KDM2A: variants seen among roughly 807,000 people sequenced by gnomAD.
KDM2A encodes lysine demethylase 2A.
A neutral mutation model predicts 137.3 loss-of-function variants in KDM2A; 3 were observed. The ratio of observed to expected loss-of-function variants is 0.02; its 90% CI spans 0.01 to 0.06. The LOEUF (loss-of-function observed/expected upper bound fraction) is 0.06. KDM2A is among the 10% of genes least tolerant of loss of function. The pLI, the probability that KDM2A is intolerant of heterozygous loss-of-function variation, is 1.00. For missense variants in KDM2A, 738 were observed against 1,510.6 expected (o/e 0.49, Z 8.48); for synonymous variants, 512 against 541.5 (o/e 0.95, Z 0.76).
At chr11:67,153,604 G>A (rs1856446877) in intron 2 of KDM2A, among the ~76,000 whole-genome samples, 2 of 151,972 alleles carry the variant, frequency 1.3e-5, no homozygotes, top group South Asian at 2.1e-4. Flanking sequence ...CCAGCACTTC[G>A]GAAGGATTAT....
chr11:67,204,722 A>G (rs971980083), intron 5 of KDM2A, among the ~76,000 whole-genome samples: 9 of 151,784 alleles, frequency 5.9e-5, no homozygotes, highest in African/African-American at 2.2e-4. Context: ...TGATCTCCTG[A>G]CCTCGTGATC....
At chr11:67,184,088 A>G (rs1426367952) in intron 5 of KDM2A, among the ~76,000 whole-genome samples, 4 of 124,724 alleles carry the variant, frequency 3.2e-5, no homozygotes, top group South Asian at 2.6e-4. Context: ...ACAGAGTGAG[A>G]CCCTGTCTCA....
chr11:67,248,263 A>ATCCT lies in KDM2A; in HGVS notation c.1966-16_1966-15insCTTC. The ATCCT allele has an allele frequency of 6.4e-7, 1 of 1,568,852 alleles. No individual in the cohort carries two copies. The highest frequency in any genetic ancestry group is 1.2e-5 in the South Asian group (1 of 86,794). ...GCTTGAGAGACAGGCTTTTAAAAAC[A>ATCCT]TCTCTGTCTTCCTATAGATGGACGG... On this transcript the variant is annotated splice_polypyrimidine_tract_variant and intron_variant, in intron 15 of 20. Coordinates refer to ENST00000529006, the MANE Select transcript of KDM2A (RefSeq NM_012308.3).
At chr11:67,165,985 T>C (rs542434440) in intron 2 of KDM2A, among the ~76,000 whole-genome samples, 1 of 152,302 alleles carries the variant, frequency 6.6e-6, no homozygotes, top group East Asian at 1.9e-4. Context: ...ATTATACTGA[T>C]GACTTAACAG....
chr11:67,203,080 C>T (rs1453494673), intron 5 of KDM2A, among the ~76,000 whole-genome samples: 1 of 152,070 alleles, frequency 6.6e-6, no homozygotes, highest in African/African-American at 2.4e-5. Context: ...CAACCTTCAG[C>T]AACCACCACC....
At chr11:67,120,394 A>G (rs1855572412) in intron 1 of KDM2A, among the ~76,000 whole-genome samples, 1 of 152,218 alleles carries the variant, frequency 6.6e-6, no homozygotes, top group Admixed American at 6.5e-5. Context: ...GTAGTGACAA[A>G]AACGGGGGGA....
chr11:67,161,007 T>C (rs1409706153), intron 2 of KDM2A, among the ~76,000 whole-genome samples: 1 of 152,206 alleles, frequency 6.6e-6, no homozygotes, highest in Non-Finnish European at 1.5e-5. Context: ...CGCCTTTATT[T>C]GTGGCTGACG....
intron 12 of KDM2A, among the ~76,000 whole-genome samples, chr11:67,236,594 G>A (rs543066527): frequency 2.0e-5 from 3 of 152,034 alleles, no homozygotes; most frequent in African/African-American, 7.3e-5. Flanking sequence ...AATACTTTTC[G>A]ACTTTCCTGT....
intron 15 of KDM2A, among the ~76,000 whole-genome samples, chr11:67,247,040 TATATATATATATATATA>T (rs1859245750): frequency 5.2e-5 from 1 of 19,212 alleles, no homozygotes; most frequent in African/African-American, 1.7e-4. Flanking sequence ...AATTATTTTA[TATATATATATATATATA>T]TATATATATA....
At chr11:67,234,490 CT>C (rs942468115) in intron 12 of KDM2A, among the ~76,000 whole-genome samples, 2 of 152,120 alleles carry the variant, frequency 1.3e-5, no homozygotes, top group African/African-American at 4.8e-5. Flanking sequence ...GATAAAAGGG[CT>C]TTTTTTAGGT....
intron 2 of KDM2A, among the ~76,000 whole-genome samples, chr11:67,159,093 A>G (rs959297404): frequency 3.9e-5 from 6 of 152,194 alleles, no homozygotes; most frequent in Non-Finnish European, 8.8e-5. Flanking sequence ...CCATTACCAA[A>G]GCCAAGGCCA....
intron 12 of KDM2A, among the ~76,000 whole-genome samples, chr11:67,238,406 G>A (rs1234850107): frequency 6.6e-6 from 1 of 152,116 alleles, no homozygotes; most frequent in African/African-American, 2.4e-5. Flanking sequence ...ATCAAAATAA[G>A]CATTTTCCAA....
chr11:67,148,526 C>T (rs894397984), intron 2 of KDM2A, among the ~76,000 whole-genome samples: 5 of 152,042 alleles, frequency 3.3e-5, no homozygotes, highest in African/African-American at 4.8e-5. Flanking sequence ...TCCGGCCGGG[C>T]GTGGTGGCTC....
At chr11:67,221,596 T>C (rs1025866557) in intron 10 of KDM2A, among the ~76,000 whole-genome samples, 1 of 152,204 alleles carries the variant, frequency 6.6e-6, no homozygotes, top group Non-Finnish European at 1.5e-5. Flanking sequence ...GGAATTGCCC[T>C]ACTAGTAGAA....
chr11:67,241,948 A>T (rs1859055918), intron 12 of KDM2A, among the ~76,000 whole-genome samples: 1 of 152,192 alleles, frequency 6.6e-6, no homozygotes, highest in South Asian at 2.1e-4. Context: ...AGGTGCCTGT[A>T]ATCCCAGCTA....
At chr11:67,219,047 T>C (rs1238284306) in intron 9 of KDM2A, among the ~76,000 whole-genome samples, 1 of 152,260 alleles carries the variant, frequency 6.6e-6, no homozygotes, top group Non-Finnish European at 1.5e-5. Context: ...TAAACGTTTA[T>C]TATGTGCTAA....
intron 2 of KDM2A, among the ~76,000 whole-genome samples, chr11:67,137,753 G>C (rs924683454): frequency 6.6e-6 from 1 of 152,130 alleles, no homozygotes; most frequent in African/African-American, 2.4e-5. Flanking sequence ...TGTTGAGTAG[G>C]TAATTGGGTA....
intron 2 of KDM2A, among the ~76,000 whole-genome samples, chr11:67,144,872 T>G (rs1251020801): frequency 6.8e-6 from 1 of 147,926 alleles, no homozygotes; most frequent in Non-Finnish European, 1.5e-5. Flanking sequence ...GGATTTTTAT[T>G]TTTATTTATA....
At chr11:67,186,323 G>C (rs1857206508) in intron 5 of KDM2A, among the ~76,000 whole-genome samples, 1 of 152,120 alleles carries the variant, frequency 6.6e-6, no homozygotes, top group Non-Finnish European at 1.5e-5. Flanking sequence ...AGAAACTTTG[G>C]AGGCCAGGAG....
Sources: gnomAD v4.1 joint callset for allele counts (sites outside exome capture counted in the v4.1 genomes callset) on GRCh38, gnomAD v4.1.1 for gene constraint, MANE v1.5 for transcripts, NCBI Gene and HGNC (gene_info 2026-07-23, HGNC 2026-07-21) for gene names.